The following SMYD3 variants were observed in gnomAD, a reference collection of about 807,000 sequenced individuals.
The protein encoded by SMYD3 is SET and MYND domain containing 3.
In SMYD3, 36 loss-of-function variants were observed where a neutral mutation model predicts 57.7. The ratio of observed to expected loss-of-function variants is 0.62; its 90% confidence interval spans 0.48 to 0.82. The LOEUF (loss-of-function observed/expected upper bound fraction) is 0.82, where lower values mean the gene tolerates loss of function less well. Among genes scored for constraint, SMYD3 ranks in the 40% least tolerant of loss-of-function variants. The pLI is 0.00. For synonymous variants in SMYD3, 211 were observed against 195.0 expected, an observed-to-expected ratio of 1.08 and a Z score of -0.68; for missense variants, 515 against 538.8, an observed-to-expected ratio of 0.96 and a Z score of 0.44.
chr1:246,430,915 G>A (rs755596298), intron 1 of SMYD3, among the ~76,000 whole-genome samples: 12 of 152,124 alleles, frequency 7.9e-5, no homozygotes, highest in Non-Finnish European at 1.5e-4. Flanking sequence ...CCAGGAACGT[G>A]GGAAAAGAGT....
At chr1:246,047,240 T>C (rs1422607877) in intron 5 of SMYD3, among the ~76,000 whole-genome samples, 1 of 152,152 alleles carries the variant, frequency 6.6e-6, no homozygotes, top group Admixed American at 6.5e-5. Context: ...TCTTGCCAGA[T>C]ACCAAACTTA....
intron 1 of SMYD3, among the ~76,000 whole-genome samples, chr1:246,384,605 C>T (rs568766134): frequency 6.6e-6 from 1 of 152,092 alleles, no homozygotes. Flanking sequence ...CCATGTTGGC[C>T]AGGCTGTTGT....
At chr1:246,128,552 A>G (rs540538552) in intron 5 of SMYD3, among the ~76,000 whole-genome samples, 1 of 152,290 alleles carries the variant, frequency 6.6e-6, no homozygotes, top group South Asian at 2.1e-4. Flanking sequence ...CAAGGTAAAT[A>G]TTATGAATCC....
chr1:246,111,361 G>T (rs1297211283), intron 5 of SMYD3: 1 of 152,014 alleles, frequency 6.6e-6, no homozygotes, highest in Non-Finnish European at 1.5e-5. Flanking sequence ...TACTTACATG[G>T]TCCAGCATAG....
intron 5 of SMYD3, among the ~76,000 whole-genome samples, chr1:246,319,701 C>T (rs1317768334): frequency 1.3e-5 from 2 of 152,142 alleles, no homozygotes; most frequent in African/African-American, 4.8e-5. Flanking sequence ...AGGTAATACT[C>T]TTCCCACAAA....
chr1:246,252,753 T>C (rs1400487203), intron 5 of SMYD3, among the ~76,000 whole-genome samples: 3 of 152,186 alleles, frequency 2.0e-5, no homozygotes, highest in Non-Finnish European at 4.4e-5. Flanking sequence ...AATTTGTGTA[T>C]AGCAGTTATA....
Position 245,778,119 on chromosome 1 carries a change from G to C in SMYD3, c.1077-13970C>G, listed in dbSNP as rs572038149. On this transcript the variant is annotated intron_variant, in intron 10 of 11. Coordinates refer to ENST00000490107, the MANE Select transcript of SMYD3 (RefSeq NM_001167740.2). ...TGATGAGTCTCTTTAAATTGACTTA[G>C]TGAAACTGTAATAAAAATCCAAGCT... Among the ~76,000 whole-genome samples the C allele has an allele frequency of 3.3e-5, 5 of 152,248 alleles. No individual in the cohort carries two copies. The East Asian group carries it at 9.6e-4, about 29-fold the overall frequency.
intron 5 of SMYD3, among the ~76,000 whole-genome samples, chr1:246,293,052 AAAC>A (rs977337595): frequency 1.8e-4 from 28 of 152,124 alleles, no homozygotes; most frequent in African/African-American, 6.5e-4. Flanking sequence ...GTACCATAAA[AAAC>A]AACAACTAGA....
chr1:245,897,683 TCAGGAGTTCGAGAC>T (rs2053914611), intron 8 of SMYD3, among the ~76,000 whole-genome samples: 2 of 152,120 alleles, frequency 1.3e-5, no homozygotes, highest in South Asian at 4.2e-4. Context: ...TCACTTGAGG[TCAGGAGTTCGAGAC>T]CAGCCTGGCC....
intron 5 of SMYD3, among the ~76,000 whole-genome samples, chr1:246,053,408 T>C (rs2060094552): frequency 1.3e-5 from 2 of 151,952 alleles, no homozygotes; most frequent in Non-Finnish European, 1.5e-5. Flanking sequence ...TTAGAGGGCA[T>C]ACACTACCTG....
At chr1:246,246,900 T>A (rs538056133) in intron 5 of SMYD3, among the ~76,000 whole-genome samples, 1 of 151,610 alleles carries the variant, frequency 6.6e-6, no homozygotes, top group Non-Finnish European at 1.5e-5. Flanking sequence ...CAGTCTCACA[T>A]AGGGATGAAT....
At chr1:245,860,091 T>A (rs2051454628) in intron 9 of SMYD3, among the ~76,000 whole-genome samples, 2 of 152,262 alleles carry the variant, frequency 1.3e-5, no homozygotes, top group South Asian at 4.2e-4. Context: ...TGACATGACC[T>A]CTGAGCCTGA....
At chr1:246,435,594 C>T (rs1158830844) in intron 1 of SMYD3, among the ~76,000 whole-genome samples, 1 of 151,506 alleles carries the variant, frequency 6.6e-6, no homozygotes, top group Non-Finnish European at 1.5e-5. Context: ...AAAGCCACTG[C>T]TTTTCTCTAA....
intron 1 of SMYD3, among the ~76,000 whole-genome samples, chr1:246,481,158 T>C (rs539220999): frequency 1.3e-5 from 2 of 152,278 alleles, no homozygotes; most frequent in African/African-American, 2.4e-5. Flanking sequence ...ACATAGACTA[T>C]AGATGTAATT....
At chr1:245,853,877 T>C (rs1317059548) in intron 10 of SMYD3, among the ~76,000 whole-genome samples, 1 of 152,182 alleles carries the variant, frequency 6.6e-6, no homozygotes, top group African/African-American at 2.4e-5. Context: ...GCCCCCATTT[T>C]TTCTGACAAC....
chr1:246,506,994 C>A (rs1381663774), intron 1 of SMYD3, 60 bp downstream of exon 1: 9 of 894,040 alleles, frequency 1.0e-5, no homozygotes, highest in Middle Eastern at 3.0e-4. Context: ...CCGACGCCCC[C>A]CCCTCCCCAG....
intron 1 of SMYD3, among the ~76,000 whole-genome samples, chr1:246,451,902 A>AT (rs1449325044): frequency 6.6e-6 from 1 of 151,828 alleles, no homozygotes; most frequent in Non-Finnish European, 1.5e-5. Flanking sequence ...CTGTTTTTTT[A>AT]AATGCCTACA....
intron 5 of SMYD3, among the ~76,000 whole-genome samples, chr1:246,174,574 G>A (rs534818417): frequency 1.3e-5 from 2 of 152,270 alleles, no homozygotes; most frequent in Admixed American, 1.3e-4. Flanking sequence ...AGCCTCTTGA[G>A]TAGCTGGGAC....
At chr1:246,224,013 A>T (rs1440665922) in intron 5 of SMYD3, among the ~76,000 whole-genome samples, 1 of 152,100 alleles carries the variant, frequency 6.6e-6, no homozygotes, top group Non-Finnish European at 1.5e-5. Context: ...AGATTCTTCT[A>T]TTTACAAGCA....
Sources: gnomAD v4.1 joint callset for allele counts (sites outside exome capture counted in the v4.1 genomes callset) on GRCh38, gnomAD v4.1.1 for gene constraint, MANE v1.5 for transcripts, NCBI Gene and HGNC (gene_info 2026-07-23, HGNC 2026-07-21) for gene names.